The following MYLK variants were observed in gnomAD, a reference collection of about 807,000 sequenced individuals.
MYLK encodes the protein myosin light chain kinase, smooth muscle.
MYLK carries 106 observed loss-of-function variants against 203.4 expected under a neutral mutation model. The ratio of observed to expected loss-of-function variants is 0.52; its 90% CI spans 0.45 to 0.61. MYLK has a LOEUF of 0.61. Ranked by LOEUF, MYLK falls within the 20% of genes least tolerant of loss-of-function variation. MYLK has a pLI of 0.00. For synonymous variants in MYLK, 867 were observed against 959.5 expected, an observed-to-expected ratio of 0.90 and a Z score of 1.78; for missense variants, 2,072 against 2,442.3, an observed-to-expected ratio of 0.85 and a Z score of 3.20.
chr3:123,793,652 C>T (rs777994569), intron 4 of MYLK, 25 bp downstream of exon 4: 1 of 1,613,828 alleles, frequency 6.2e-7, no homozygotes, highest in Non-Finnish European at 8.5e-7. Context: ...TCCCCACAGC[C>T]TCCCCATCCA....
chr3:123,770,581 T>C (rs1242779027), intron 4 of MYLK, among the ~76,000 whole-genome samples: 5 of 152,142 alleles, frequency 3.3e-5, no homozygotes, highest in South Asian at 2.1e-4. Flanking sequence ...CACGTGTTAA[T>C]AGGATATTGA....
intron 23 of MYLK, among the ~76,000 whole-genome samples, chr3:123,663,067 T>C (rs532652012): frequency 1.3e-5 from 2 of 152,298 alleles, no homozygotes; most frequent in Non-Finnish European, 2.9e-5. Flanking sequence ...GCATGAGGCA[T>C]AGAGTCTACT....
intron 5 of MYLK, among the ~76,000 whole-genome samples, chr3:123,747,038 T>C (rs968372465): frequency 1.2e-4 from 19 of 152,270 alleles, no homozygotes; most frequent in African/African-American, 4.6e-4. Context: ...CCAGTATAAA[T>C]AGACACGGCC....
At chr3:123,770,796 G>C (rs1007077342) in intron 4 of MYLK, among the ~76,000 whole-genome samples, 3 of 152,218 alleles carry the variant, frequency 2.0e-5, no homozygotes, top group Non-Finnish European at 4.4e-5. Context: ...ATGCTATGTA[G>C]TGCCAGAGGA....
intron 11 of MYLK, among the ~76,000 whole-genome samples, chr3:123,727,026 C>G (rs1362903197): frequency 2.0e-5 from 3 of 152,188 alleles, no homozygotes; most frequent in Non-Finnish European, 2.9e-5. Flanking sequence ...TGAGGGCCTA[C>G]TATGTGCCAG....
At chr3:123,717,608 A>AC (rs2061941485) in intron 13 of MYLK, among the ~76,000 whole-genome samples, 1 of 150,520 alleles carries the variant, frequency 6.6e-6, no homozygotes, top group South Asian at 2.1e-4. Flanking sequence ...AGGGGGAAAA[A>AC]ATTTTAAATA....
At position 123,667,159 on chromosome 3, in the gene MYLK, G is replaced by A. The variant is rs201663473; in HGVS notation, c.3681C>T (p.Ala1227=). Residue 1227 remains alanine, a synonymous_variant, in exon 21 of 34, where the codon GCC becomes GCT. Coordinates refer to ENST00000360304, the MANE Select transcript of MYLK (RefSeq NM_053025.4). The part of the protein sequence containing the change: ...ESDATVKKKP[A]PKTPPKAAMP... ...TACCTGCCTTCGGAGGTGTCTTGGGGGCAGGTTTCTTTTTCACAGTCGCAT... is the reference window on the plus strand; with the variant it reads ...TACCTGCCTTCGGAGGTGTCTTGGGAGCAGGTTTCTTTTTCACAGTCGCAT... The A allele has an allele frequency of 2.6e-4, 416 of 1,614,008 alleles. No individual in the cohort carries two copies. The highest frequency in any genetic ancestry group is 3.5e-4 in the Admixed American group (21 of 60,002).
chr3:123,635,814 A>G (rs140693102), intron 29 of MYLK, among the ~76,000 whole-genome samples: 21 of 152,328 alleles, frequency 1.4e-4, no homozygotes, highest in Non-Finnish European at 2.8e-4. Flanking sequence ...GAATGCTTCC[A>G]ATGGCCAAAC....
chr3:123,727,820 A>G (rs2062341503), intron 11 of MYLK, among the ~76,000 whole-genome samples: 1 of 152,186 alleles, frequency 6.6e-6, no homozygotes, highest in African/African-American at 2.4e-5. Flanking sequence ...GTGGTGAGAG[A>G]GTAAATCATT....
rs751504394 is a variant in MYLK, at chr3:123,657,274, T to C, written c.4140A>G (p.Glu1380=). 4 of 1,614,028 alleles carry C rather than the reference T, an allele frequency of 2.5e-6. No individual in the cohort carries two copies. Among genetic ancestry groups the C allele is most frequent in the South Asian group, 2.2e-5 (2 of 91,074 alleles). ...IWDSANKTWK[E]LATCRSTSFN... ...AAGAGGTGCTGCGGCATGTGGCTAG[T>C]TCCTTCCACGTCTTGTTGGCTGAGT... is the stretch of plus-strand genomic sequence containing the variant. Residue 1380 remains glutamate (E), a synonymous_variant, in exon 24 of 34, where the codon GAA becomes GAG. Coordinates refer to ENST00000360304, the MANE Select transcript of MYLK (RefSeq NM_053025.4).
chr3:123,881,102 C>T (rs1577176120), intron 1 of MYLK, among the ~76,000 whole-genome samples: 1 of 152,276 alleles, frequency 6.6e-6, no homozygotes, highest in Non-Finnish European at 1.5e-5. Context: ...TGTATGGGCA[C>T]TGCTTCCCCG....
intron 13 of MYLK, among the ~76,000 whole-genome samples, chr3:123,710,906 C>T (rs904330140): frequency 2.0e-5 from 3 of 152,156 alleles, no homozygotes; most frequent in African/African-American, 7.2e-5. Context: ...GAATGAACTA[C>T]TGAGGGTACC....
intron 4 of MYLK, among the ~76,000 whole-genome samples, chr3:123,768,245 G>A (rs1454303027): frequency 6.6e-6 from 1 of 152,234 alleles, no homozygotes; most frequent in African/African-American, 2.4e-5. Flanking sequence ...ACTGGGTCCA[G>A]GGTCAGGGTC....
At chr3:123,716,656 G>A (rs1239166880) in intron 13 of MYLK, among the ~76,000 whole-genome samples, 1 of 152,114 alleles carries the variant, frequency 6.6e-6, no homozygotes, top group Admixed American at 6.6e-5. Context: ...CTCCCAGTGC[G>A]GGCCTGGAAG....
In MYLK at chr3:123,790,100, C is replaced by T. The variant is rs138594769; in HGVS notation, c.165+3577G>A. 3.6e-3 allele frequency among the ~76,000 whole-genome samples: 550 copies of T among 152,310 alleles called. 5 individuals are homozygous for T. The highest frequency in any genetic ancestry group is 0.013 in the African/African-American group (531 of 41,582). Reference sequence around the variant, plus strand: ...CTGGTTCTTTTCACTCTCTCCACTGCTGTCCCCCTGCCCCCAAACAATCCT... The same window carrying T: ...CTGGTTCTTTTCACTCTCTCCACTGTTGTCCCCCTGCCCCCAAACAATCCT... On this transcript the variant is annotated intron_variant, in intron 4 of 33. Transcript: ENST00000360304.
chr3:123,822,810 C>T (rs769126221), intron 3 of MYLK, among the ~76,000 whole-genome samples: 1 of 152,138 alleles, frequency 6.6e-6, no homozygotes, highest in African/African-American at 2.4e-5. Context: ...ATCACTGTCC[C>T]CACACCCACC....
chr3:123,734,248 G>T, intron 9 of MYLK, 26 bp from the exon 10 acceptor site: 5 of 1,420,916 alleles, frequency 3.5e-6, no homozygotes, highest in South Asian at 1.4e-5. Context: ...GGTGGGGGTA[G>T]GGTGGGTGAG....
intron 24 of MYLK, 104 bp downstream of exon 24, chr3:123,657,019 TTAA>T: frequency 7.7e-7 from 1 of 1,301,444 alleles, no homozygotes; most frequent in South Asian, 1.2e-5. Context: ...CCAGTCATCA[TTAA>T]TGTTTCCTCA....
chr3:123,884,132 C>A (rs2033710909), intron 1 of MYLK, 74 bp downstream of exon 1: 1 of 151,746 alleles, frequency 6.6e-6, no homozygotes, highest in South Asian at 2.1e-4. Context: ...CAGCCCCCAC[C>A]CAGAACTCCC....
Sources: gnomAD v4.1 joint callset for allele counts (sites outside exome capture counted in the v4.1 genomes callset) on GRCh38, gnomAD v4.1.1 for gene constraint, MANE v1.5 for transcripts, NCBI Gene and HGNC (gene_info 2026-07-23, HGNC 2026-07-21) for gene names.